SAE1: variants seen among roughly 807,000 people sequenced by gnomAD.
SAE1 encodes SUMO1 activating enzyme subunit 1, also known as SUMO-activating enzyme subunit 1.
A neutral mutation model predicts 40.6 loss-of-function variants in SAE1; 11 were observed. The observed-to-expected ratio is 0.27, with a 90% CI of 0.17 to 0.45. The LOEUF is 0.45. Ranked by LOEUF, SAE1 falls within the 20% of genes least tolerant of loss-of-function variation. The pLI, the probability that SAE1 is intolerant of heterozygous loss-of-function variation, is 1.00. For missense variants in SAE1, 373 were observed against 427.3 expected, an observed-to-expected ratio of 0.87 and a Z score of 1.12; for synonymous variants, 155 against 154.3, an observed-to-expected ratio of 1.00 and a Z score of -0.03.
intron 7 of SAE1, among the ~76,000 whole-genome samples, chr19:47,198,982 G>A (rs1018851322): frequency 6.6e-6 from 1 of 152,142 alleles, no homozygotes; most frequent in Admixed American, 6.6e-5. Flanking sequence ...CAGCTACTCT[G>A]GAGGCTGAGG....
rs1450151059 is a variant in SAE1 at position 47,134,961 on chromosome 19, ATTT to A, written c.98+3936_98+3938del. Among the ~76,000 whole-genome samples the A allele has an allele frequency of 7.2e-5, 11 of 152,190 alleles. No homozygotes were observed. The East Asian group carries it at 2.1e-3, about 29-fold the overall frequency. Reference sequence around the variant, plus strand: ...AGAGGTTGTTTGTAATTTGTACTCTATTTTTAGACAGTCTTAGAGAGTTTATTA... The same window carrying A: ...AGAGGTTGTTTGTAATTTGTACTCTATTAGACAGTCTTAGAGAGTTTATTA... On this transcript the variant is annotated intron_variant, in intron 1 of 8. Coordinates refer to ENST00000270225, the MANE Select transcript of SAE1 (RefSeq NM_005500.3).
At chr19:47,183,076 C>T (rs1223200199) in intron 6 of SAE1, among the ~76,000 whole-genome samples, 2 of 151,962 alleles carry the variant, frequency 1.3e-5, no homozygotes, top group Admixed American at 6.6e-5. Flanking sequence ...CCACCACGTC[C>T]GGCTAATTTT....
At chr19:47,155,264 T>C (rs766126001) in intron 5 of SAE1, 51 bp downstream of exon 5, 51 of 1,247,490 alleles carry the variant, frequency 4.1e-5, no homozygotes, top group Non-Finnish European at 5.8e-5. Context: ...CTTGGAGGGG[T>C]CAGGCAATGA....
Position 47,150,202 on chromosome 19 carries a change from G to T in SAE1, c.211G>T (p.Val71Leu). 6.4e-7 allele frequency: 1 copy of T among 1,570,080 alleles called. No homozygotes were observed. The highest frequency in any genetic ancestry group is 8.6e-7 in the Non-Finnish European group (1 of 1,161,312). The change falls in exon 3 of 9, where the codon GTA becomes TTA. Residue 71 changes from valine to leucine, a missense_variant and splice_region_variant. Around this residue, in one of 3 missense-constraint regions of SAE1, gnomAD observed 351 missense variants for 390.6 expected, o/e 0.90. Transcript: ENST00000270225. ...AAAAAAATATGTGTATTATTCCTAG[G>T]TAACTCCAGAAGATCCCGGAGCTCA... ...KGLTMLDHEQ[V>L]TPEDPGAQFL... is the part of the protein sequence containing the mutation.
chr19:47,206,060 CTG>C (rs1464608503), intron 8 of SAE1, among the ~76,000 whole-genome samples: 1 of 152,232 alleles, frequency 6.6e-6, no homozygotes, highest in Non-Finnish European at 1.5e-5. Flanking sequence ...GGGATGGAGA[CTG>C]GAGGTTGGGG....
At chr19:47,182,463 TAG>T (rs1491161437) in intron 6 of SAE1, among the ~76,000 whole-genome samples, 5 of 97,844 alleles carry the variant, frequency 5.1e-5, no homozygotes, top group South Asian at 7.6e-4. Context: ...GAAAAAAGCG[TAG>T]TGTGTGTGTG....
intron 6 of SAE1, among the ~76,000 whole-genome samples, chr19:47,174,874 C>T (rs2058459281): frequency 6.6e-6 from 1 of 150,618 alleles, no homozygotes. Flanking sequence ...CGCCTGGCCA[C>T]ATTTTTGTAT....
At chr19:47,182,701 G>A (rs560951673) in intron 6 of SAE1, among the ~76,000 whole-genome samples, 9 of 152,112 alleles carry the variant, frequency 5.9e-5, no homozygotes, top group South Asian at 2.1e-4. Context: ...TCTGCTCCTC[G>A]GTCTGCAAGA....
Position 47,206,721 on chromosome 19 carries a change from C to G in SAE1, c.949-2438C>G, listed in dbSNP as rs570628248. 3.9e-5 allele frequency among the ~76,000 whole-genome samples: 6 copies of G among 152,172 alleles called. No homozygotes were observed. The South Asian group carries it at 1.3e-3, about 32-fold the overall frequency. ...GAGTTCCACCTGTGTACTGTTGGAC[C>G]CTTCCACCTGGCTAGGTTGGTGGCA... On this transcript the variant is annotated intron_variant, in intron 8 of 8. Coordinates refer to ENST00000270225, the MANE Select transcript of SAE1 (RefSeq NM_005500.3).
intron 6 of SAE1, chr19:47,180,103 A>G: frequency 2.2e-6 from 1 of 449,322 alleles, no homozygotes; most frequent in South Asian, 1.6e-5. Context: ...TAATAGATGT[A>G]TGTGTGTATG....
intron 3 of SAE1, 143 bp from the exon 4 acceptor site, chr19:47,152,755 A>G: frequency 1.5e-6 from 1 of 679,382 alleles, no homozygotes; most frequent in South Asian, 2.8e-5. Context: ...TTCTAGCCAT[A>G]GGGCCCAAAG....
intron 1 of SAE1, among the ~76,000 whole-genome samples, chr19:47,133,799 C>T (rs1382666949): frequency 6.6e-6 from 1 of 151,666 alleles, no homozygotes; most frequent in Non-Finnish European, 1.5e-5. Context: ...ATATGGAGAG[C>T]TGTAGGTTTG....
chr19:47,183,407 T>G (rs2058523709), intron 6 of SAE1, among the ~76,000 whole-genome samples: 1 of 152,166 alleles, frequency 6.6e-6, no homozygotes, highest in African/African-American at 2.4e-5. Context: ...CCCCAGGGCC[T>G]TGTGTTTAAG....
At chr19:47,201,542 C>CTGTATTTT (rs777782653) in intron 7 of SAE1, among the ~76,000 whole-genome samples, 7 of 146,050 alleles carry the variant, frequency 4.8e-5, no homozygotes, top group Non-Finnish European at 3.0e-5. Context: ...CAGCTAATTT[C>CTGTATTTT]TGTATTTTTA....
intron 5 of SAE1, among the ~76,000 whole-genome samples, chr19:47,168,881 G>A (rs2058413328): frequency 6.6e-6 from 1 of 152,182 alleles, no homozygotes; most frequent in Non-Finnish European, 1.5e-5. Context: ...TAGGATCACA[G>A]GCGTGAGCCA....
At chr19:47,162,487 G>A (rs2058364571) in intron 5 of SAE1, among the ~76,000 whole-genome samples, 1 of 152,052 alleles carries the variant, frequency 6.6e-6, no homozygotes, top group Admixed American at 6.6e-5. Flanking sequence ...GTAACTTCAG[G>A]CGTTTTTTTT....
intron 5 of SAE1, among the ~76,000 whole-genome samples, chr19:47,167,255 G>A (rs2058399355): frequency 6.8e-6 from 1 of 146,048 alleles, no homozygotes; most frequent in Non-Finnish European, 1.5e-5. Flanking sequence ...CACCCGGCCT[G>A]CGCCCAGATA....
chr19:47,130,977 C>T lies in SAE1; in HGVS notation c.47C>T (p.Ala16Val), dbSNP rs1346691174. 6.5e-7 allele frequency: 1 copy of T among 1,548,734 alleles called. No individual in the cohort carries two copies. The highest frequency in any genetic ancestry group is 8.7e-7 in the Non-Finnish European group (1 of 1,146,002). The change falls in exon 1 of 9, where the codon GCG becomes GTG. Residue 16 changes from alanine to valine, a missense_variant. Transcript: ENST00000270225. ...GGCGGCGGCATTAGCGAGGAGGAGG[C>T]GGCACAGTATGACCGGCAGATCCGC... ...EAGGGISEEEAAQYDRQIRLW... is the reference protein window; with the variant it reads ...EAGGGISEEEVAQYDRQIRLW...
rs1424770211 is a variant in SAE1, at chr19:47,193,105, T to C, written c.734-4128T>C. Among the ~76,000 whole-genome samples the C allele has an allele frequency of 2.0e-5, 3 of 150,000 alleles. No homozygotes were observed. The Admixed American group carries it at 2.0e-4, about 10-fold the overall frequency. On this transcript the variant is annotated intron_variant, in intron 6 of 8. Transcript: ENST00000270225. ...CAGAGTCTTGCTCTGTCGCCCAGGC[T>C]GGAGTGCAGTGGCACAATCTCGGCT...
Sources: allele counts gnomAD v4.1 joint callset (sites outside exome capture counted in the v4.1 genomes callset), GRCh38; gene constraint gnomAD v4.1.1; regional missense constraint gnomAD v4.1.1; transcripts MANE v1.5; gene names NCBI Gene and HGNC (gene_info 2026-07-23, HGNC 2026-07-21).